TMEM132D: variants seen among roughly 807,000 people sequenced by gnomAD.
TMEM132D encodes transmembrane protein 132D.
In TMEM132D, 21 loss-of-function variants were observed where a neutral mutation model predicts 62.3. That is an observed-to-expected ratio of 0.34 (90% CI 0.24 to 0.49). The LOEUF is 0.49. Ranked by LOEUF, TMEM132D falls within the 20% of genes least tolerant of loss-of-function variation. TMEM132D has a pLI of 0.99. For synonymous variants in TMEM132D, 621 were observed against 575.6 expected, an observed-to-expected ratio of 1.08 and a Z score of -1.13; for missense variants, 1,346 against 1,402.8, an observed-to-expected ratio of 0.96 and a Z score of 0.65.
At chr12:129,672,465 C>T (rs1797843042) in intron 2 of TMEM132D, among the ~76,000 whole-genome samples, 3 of 152,270 alleles carry the variant, frequency 2.0e-5, no homozygotes, top group African/African-American at 2.4e-5. Context: ...CTGAGATTTC[C>T]GGGTTGGTGT....
At chr12:129,294,199 T>C (rs1593326348) in intron 4 of TMEM132D, among the ~76,000 whole-genome samples, 1 of 152,346 alleles carries the variant, frequency 6.6e-6, no homozygotes, top group East Asian at 1.9e-4. Context: ...CAGAATACCC[T>C]TCAAGATTTT....
chr12:129,251,808 G>C (rs11060219), intron 4 of TMEM132D, among the ~76,000 whole-genome samples: 3 of 152,090 alleles, frequency 2.0e-5, no homozygotes, highest in Non-Finnish European at 2.9e-5. Flanking sequence ...GAGCAAGTGA[G>C]TCTACTCCAT....
chr12:129,517,679 C>A (rs998759808), intron 3 of TMEM132D, among the ~76,000 whole-genome samples: 6 of 152,180 alleles, frequency 3.9e-5, no homozygotes, highest in Non-Finnish European at 7.3e-5. Context: ...CTTCCCCATG[C>A]AAAATTCAAT....
At chr12:129,814,112 A>G (rs1216115229) in intron 1 of TMEM132D, among the ~76,000 whole-genome samples, 2 of 152,154 alleles carry the variant, frequency 1.3e-5, no homozygotes, top group African/African-American at 2.4e-5. Flanking sequence ...ACAGACATAC[A>G]AACACTGCAT....
At chr12:129,408,437 T>A (rs1871861123) in intron 3 of TMEM132D, among the ~76,000 whole-genome samples, 1 of 141,742 alleles carries the variant, frequency 7.1e-6, no homozygotes, top group African/African-American at 2.7e-5. Flanking sequence ...TTTTTGATAG[T>A]AGCTTTTTTT....
rs531927512 is a variant in TMEM132D, at chr12:129,384,800, C to T, written c.1116-46983G>A. On this transcript the variant is annotated intron_variant, in intron 3 of 8. Transcript: ENST00000422113. ...TGTGAAGCACAGGGCAACACTCTCC[C>T]GTATTCCCATCTGTTTAGAGCACAT... Among the ~76,000 whole-genome samples the T allele has an allele frequency of 3.9e-5, 6 of 152,258 alleles. No homozygotes were observed. In the East Asian group the frequency reaches 5.8e-4, roughly 15 times the overall value.
At chr12:129,154,839 C>T (rs553852872) in intron 5 of TMEM132D, among the ~76,000 whole-genome samples, 1 of 152,268 alleles carries the variant, frequency 6.6e-6, no homozygotes, top group South Asian at 2.1e-4. Flanking sequence ...AGAGCATTTG[C>T]CCTGGCTTTT....
intron 1 of TMEM132D, among the ~76,000 whole-genome samples, chr12:129,711,523 C>T (rs1380106953): frequency 6.6e-6 from 1 of 151,902 alleles, no homozygotes; most frequent in African/African-American, 2.4e-5. Context: ...GTCAGGTGTT[C>T]GAGACCAGCC....
chr12:129,560,524 C>T (rs1468643218), intron 2 of TMEM132D, among the ~76,000 whole-genome samples: 1 of 152,118 alleles, frequency 6.6e-6, no homozygotes, highest in Admixed American at 6.5e-5. Context: ...CCCGCCTCAG[C>T]CTCCCAAAGT....
intron 3 of TMEM132D, among the ~76,000 whole-genome samples, chr12:129,441,723 A>G (rs1872941113): frequency 6.6e-6 from 1 of 152,170 alleles, no homozygotes; most frequent in Admixed American, 6.5e-5. Flanking sequence ...AATAGCAGCT[A>G]CGGAACCGAC....
chr12:129,121,483 G>A (rs970821669), intron 5 of TMEM132D, among the ~76,000 whole-genome samples: 1 of 152,172 alleles, frequency 6.6e-6, no homozygotes, highest in Non-Finnish European at 1.5e-5. Context: ...AGGGGCAAAA[G>A]AGTCATTTGG....
In TMEM132D at chr12:129,392,243, G is replaced by A. The variant is rs754733089; in HGVS notation, c.1116-54426C>T. ...CAGTTAATTTTATATTTTTAGTAGA[G>A]ACAAGGTTTCTCCATGTTGGTCAGG... On this transcript the variant is annotated intron_variant, in intron 3 of 8. Coordinates refer to ENST00000422113, the MANE Select transcript of TMEM132D (RefSeq NM_133448.3). Among the ~76,000 whole-genome samples the A allele has an allele frequency of 4.3e-4, 65 of 151,174 alleles. 1 individual carries two copies. Among genetic ancestry groups the A allele is most frequent in the Non-Finnish European group, 7.9e-4 (54 of 67,994 alleles).
At chr12:129,563,671 T>C (rs539437437) in intron 2 of TMEM132D, among the ~76,000 whole-genome samples, 64 of 152,238 alleles carry the variant, frequency 4.2e-4, no homozygotes, top group Middle Eastern at 3.4e-3. Context: ...TTCAGGACCC[T>C]GAGGGAAGGA....
chr12:129,133,280 T>G (rs1287170976), intron 5 of TMEM132D, among the ~76,000 whole-genome samples: 1 of 152,270 alleles, frequency 6.6e-6, no homozygotes, highest in African/African-American at 2.4e-5. Flanking sequence ...GTCTAGGACT[T>G]GTTCATGTTG....
chr12:129,133,465 C>G (rs550217656), intron 5 of TMEM132D, among the ~76,000 whole-genome samples: 1 of 152,356 alleles, frequency 6.6e-6, no homozygotes, highest in Admixed American at 6.5e-5. Flanking sequence ...ACCTGGAGAG[C>G]ACCATGCAGA....
intron 1 of TMEM132D, among the ~76,000 whole-genome samples, chr12:129,864,183 G>A (rs1035118984): frequency 1.3e-5 from 2 of 152,178 alleles, no homozygotes; most frequent in African/African-American, 4.8e-5. Flanking sequence ...TCCAGGTGGA[G>A]AGAATTAAAA....
At chr12:129,237,201 T>A (rs114609250) in intron 4 of TMEM132D, among the ~76,000 whole-genome samples, 2 of 152,164 alleles carry the variant, frequency 1.3e-5, no homozygotes, top group Non-Finnish European at 2.9e-5. Flanking sequence ...CTTGTAGTAG[T>A]TACCTCTTCT....
At chr12:129,620,481 C>T (rs1410565534) in intron 2 of TMEM132D, among the ~76,000 whole-genome samples, 2 of 152,166 alleles carry the variant, frequency 1.3e-5, no homozygotes, top group Non-Finnish European at 1.5e-5. Flanking sequence ...TGCCTGTAAT[C>T]CTAGCTGCTC....
At chr12:129,224,455 T>G (rs927234654) in intron 4 of TMEM132D, among the ~76,000 whole-genome samples, 1 of 152,262 alleles carries the variant, frequency 6.6e-6, no homozygotes, top group East Asian at 1.9e-4. Flanking sequence ...TTGATTTTCT[T>G]GATTTTCTTC....
Sources: gnomAD v4.1 joint callset for allele counts (sites outside exome capture counted in the v4.1 genomes callset) on GRCh38, gnomAD v4.1.1 for gene constraint, MANE v1.5 for transcripts, NCBI Gene and HGNC (gene_info 2026-07-23, HGNC 2026-07-21) for gene names.